The following RBFOX1 variants were observed in gnomAD, a reference collection of about 807,000 sequenced individuals.
The protein encoded by RBFOX1 is RNA binding fox-1 homolog 1.
RBFOX1 carries 8 observed loss-of-function variants against 57.7 expected under a neutral mutation model. That is an observed-to-expected ratio of 0.14 (90% CI 0.08 to 0.25). The LOEUF is 0.25. Among genes scored for constraint, RBFOX1 ranks in the 10% least tolerant of loss-of-function variants. RBFOX1 has a pLI of 1.00. For missense variants in RBFOX1, 611 were observed against 548.5 expected, an observed-to-expected ratio of 1.11 and a Z score of -1.14; for synonymous variants, 326 against 222.4, an observed-to-expected ratio of 1.47 and a Z score of -4.15.
intron 3 of RBFOX1, among the ~76,000 whole-genome samples, chr16:6,908,658 C>A (rs990267073): frequency 1.3e-5 from 2 of 152,074 alleles, no homozygotes; most frequent in African/African-American, 4.8e-5. Flanking sequence ...AGAATATGGC[C>A]CTCTAATTAT....
chr16:5,491,555 G>T (rs746122646), intron 2 of RBFOX1, among the ~76,000 whole-genome samples: 1 of 152,150 alleles, frequency 6.6e-6, no homozygotes, highest in East Asian at 1.9e-4. Flanking sequence ...TATACAACAG[G>T]ATTCTTACAG....
At chr16:6,172,015 G>A (rs2096964137) in intron 1 of RBFOX1, among the ~76,000 whole-genome samples, 2 of 151,790 alleles carry the variant, frequency 1.3e-5, no homozygotes, top group South Asian at 4.2e-4. Flanking sequence ...TAGAGATGGG[G>A]TTTCACTGTG....
At chr16:5,775,456 A>G (rs75599453) in intron 3 of RBFOX1, among the ~76,000 whole-genome samples, 5,498 of 152,296 alleles carry the variant, frequency 0.036, 335 homozygotes, top group African/African-American at 0.12. Context: ...AGGGGAAAGT[A>G]ACACGGTGGA....
chr16:7,388,974 TAC>T lies in RBFOX1; in HGVS notation c.28-129171_28-129170del, dbSNP rs142227491. 6.0e-3 allele frequency among the ~76,000 whole-genome samples: 910 copies of T among 152,270 alleles called. 9 individuals are homozygous for T. Among genetic ancestry groups the T allele is most frequent in the African/African-American group, 0.02 (846 of 41,556 alleles). ...ACGCAGAGCTTAATAGAGTGCCTAA[TAC>T]AGAGTAAGTGCTTAAAACATTTTTT... On this transcript the variant is annotated intron_variant, in intron 4 of 15. Transcript: ENST00000550418.
At chr16:7,096,283 A>T (rs1233204265) in intron 4 of RBFOX1, among the ~76,000 whole-genome samples, 2 of 152,194 alleles carry the variant, frequency 1.3e-5, no homozygotes, top group Non-Finnish European at 2.9e-5. Flanking sequence ...GTAGGCTGAG[A>T]TATCTGAGAA....
intron 1 of RBFOX1, among the ~76,000 whole-genome samples, chr16:5,255,354 C>CCCTCCA (rs1555468931): frequency 1.7e-3 from 150 of 86,328 alleles, no homozygotes; most frequent in African/African-American, 5.0e-3. Flanking sequence ...CCATCCATCC[C>CCCTCCA]TCCATCCATC....
At chr16:6,429,748 C>T (rs1169174187) in intron 2 of RBFOX1, among the ~76,000 whole-genome samples, 1 of 152,176 alleles carries the variant, frequency 6.6e-6, no homozygotes, top group Non-Finnish European at 1.5e-5. Flanking sequence ...CTCTTGCCTG[C>T]TGCCATGTAA....
intron 4 of RBFOX1, among the ~76,000 whole-genome samples, chr16:7,187,690 C>CAAAAAAAAAAAA (rs536529201): frequency 1.4e-4 from 10 of 72,566 alleles, no homozygotes; most frequent in Non-Finnish European, 2.1e-4. Context: ...CTCTGTCTCA[C>CAAAAAAAAAAAA]AAAAAAAAAA....
chr16:7,094,523 G>T (rs1287169101), intron 4 of RBFOX1, among the ~76,000 whole-genome samples: 1 of 152,020 alleles, frequency 6.6e-6, no homozygotes, highest in Non-Finnish European at 1.5e-5. Context: ...GCATTCCTAT[G>T]TCATCTTCTC....
At chr16:5,534,178 G>C (rs1360686223) in intron 2 of RBFOX1, among the ~76,000 whole-genome samples, 1 of 152,100 alleles carries the variant, frequency 6.6e-6, no homozygotes, top group East Asian at 1.9e-4. Flanking sequence ...AGGGTGGCTG[G>C]GAAAGGGGGA....
intron 4 of RBFOX1, among the ~76,000 whole-genome samples, chr16:7,073,497 C>A (rs2057742280): frequency 6.6e-6 from 1 of 152,060 alleles, no homozygotes; most frequent in Non-Finnish European, 1.5e-5. Flanking sequence ...ACAATTCGTT[C>A]TATGTATTGA....
chr16:5,279,037 G>A (rs941688970), intron 1 of RBFOX1, among the ~76,000 whole-genome samples: 25 of 152,016 alleles, frequency 1.6e-4, no homozygotes, highest in African/African-American at 4.6e-4. Flanking sequence ...TTCTAGCTTT[G>A]TTCTTTTTGC....
chr16:5,991,412 A>G (rs986983855), intron 4 of RBFOX1, among the ~76,000 whole-genome samples: 4 of 152,162 alleles, frequency 2.6e-5, no homozygotes, highest in Non-Finnish European at 5.9e-5. Context: ...CGTAGAAGGA[A>G]TTAAAGAATC....
At chr16:5,690,536 A>G (rs1197972813) in intron 3 of RBFOX1, among the ~76,000 whole-genome samples, 2 of 150,984 alleles carry the variant, frequency 1.3e-5, no homozygotes, top group East Asian at 3.9e-4. Context: ...TCCATACAAC[A>G]CTCACTTCTG....
At chr16:5,614,588 G>C (rs2047949994) in intron 3 of RBFOX1, among the ~76,000 whole-genome samples, 2 of 152,172 alleles carry the variant, frequency 1.3e-5, no homozygotes, top group South Asian at 2.1e-4. Context: ...AGGCTCTTCA[G>C]AGGTATATTT....
chr16:5,387,904 C>G (rs1286189323), intron 1 of RBFOX1, among the ~76,000 whole-genome samples: 1 of 152,174 alleles, frequency 6.6e-6, no homozygotes, highest in East Asian at 1.9e-4. Flanking sequence ...ACAGCAGGCT[C>G]AGAATCAGAG....
intron 1 of RBFOX1, among the ~76,000 whole-genome samples, chr16:6,228,327 A>C (rs1479579005): frequency 6.6e-6 from 1 of 152,044 alleles, no homozygotes. Flanking sequence ...CTTGTCAAAA[A>C]TAAAATAAAA....
intron 1 of RBFOX1, among the ~76,000 whole-genome samples, chr16:5,420,265 G>C (rs1045793656): frequency 1.3e-5 from 2 of 152,176 alleles, no homozygotes; most frequent in African/African-American, 4.8e-5. Flanking sequence ...TAGTTTGGTT[G>C]TTTTAGGTAA....
At chr16:6,981,064 A>G (rs2088688570) in intron 3 of RBFOX1, among the ~76,000 whole-genome samples, 3 of 148,676 alleles carry the variant, frequency 2.0e-5, no homozygotes, top group Middle Eastern at 3.5e-3. Flanking sequence ...AAAAAACACT[A>G]AAAAATTCAG....
Sources: allele counts gnomAD v4.1 joint callset (sites outside exome capture counted in the v4.1 genomes callset), GRCh38; gene constraint gnomAD v4.1.1; transcripts MANE v1.5; gene names NCBI Gene and HGNC (gene_info 2026-07-23, HGNC 2026-07-21).